PBX3: variants seen among roughly 807,000 people sequenced by gnomAD.
PBX3 encodes PBX homeobox 3, also known as pre-B-cell leukemia transcription factor 3.
A neutral mutation model predicts 48.5 loss-of-function variants in PBX3; 14 were observed. That is an observed-to-expected ratio of 0.29 (90% CI 0.19 to 0.45). PBX3 has a LOEUF of 0.45. Among genes scored for constraint, PBX3 ranks in the 20% least tolerant of loss-of-function variants. PBX3 has a pLI of 1.00. For synonymous variants in PBX3, 210 were observed against 200.3 expected (o/e 1.05, Z -0.41); for missense variants, 386 against 546.7 (o/e 0.71, Z 2.93).
chr9:125,789,966 G>A (rs986594334), intron 2 of PBX3, among the ~76,000 whole-genome samples: 9 of 152,166 alleles, frequency 5.9e-5, no homozygotes, highest in African/African-American at 2.2e-4. Flanking sequence ...GGTTTGTTTT[G>A]ATAGATTACC....
chr9:125,770,720 A>G (rs1428780211), intron 2 of PBX3, among the ~76,000 whole-genome samples: 1 of 152,170 alleles, frequency 6.6e-6, no homozygotes, highest in East Asian at 1.9e-4. Flanking sequence ...GGAAGCTGCT[A>G]TTGTGGCAAT....
At chr9:125,925,777 G>C (rs1021419756) in intron 3 of PBX3, among the ~76,000 whole-genome samples, 11 of 152,126 alleles carry the variant, frequency 7.2e-5, no homozygotes, top group Admixed American at 5.2e-4. Flanking sequence ...AATTTAATAT[G>C]TGGCTCACAA....
chr9:125,808,696 A>C (rs1318924206), intron 2 of PBX3, among the ~76,000 whole-genome samples: 3 of 152,154 alleles, frequency 2.0e-5, no homozygotes, highest in African/African-American at 7.2e-5. Context: ...GTCACTGTAA[A>C]CACTAATTCA....
intron 4 of PBX3, among the ~76,000 whole-genome samples, chr9:125,932,461 G>A (rs2132520944): frequency 1.3e-5 from 2 of 152,250 alleles, no homozygotes; most frequent in Middle Eastern, 3.4e-3. Flanking sequence ...TTACACATTT[G>A]CATTCCCCAC....
chr9:125,895,997 C>G (rs1840759895), intron 2 of PBX3, among the ~76,000 whole-genome samples: 1 of 152,004 alleles, frequency 6.6e-6, no homozygotes, highest in African/African-American at 2.4e-5. Flanking sequence ...TTAATACTTG[C>G]TACTTTACAA....
rs568172018 is a variant in PBX3, at chr9:125,811,964, G to T, written c.274+63341G>T. ...CTTTGGGTGGTGATTAGGTTATGAGGGCTTCACCCTCATGAATTATATTAA... is the reference window on the plus strand; with the variant it reads ...CTTTGGGTGGTGATTAGGTTATGAGTGCTTCACCCTCATGAATTATATTAA... On this transcript the variant is annotated intron_variant, in intron 2 of 8. Coordinates refer to ENST00000373489, the MANE Select transcript of PBX3 (RefSeq NM_006195.6). 2.6e-5 allele frequency among the ~76,000 whole-genome samples: 4 copies of T among 152,148 alleles called. No homozygotes were observed. In the South Asian group the frequency reaches 8.3e-4, roughly 32 times the overall value.
intron 2 of PBX3, among the ~76,000 whole-genome samples, chr9:125,750,641 T>C (rs1309545075): frequency 6.6e-6 from 1 of 152,254 alleles, no homozygotes; most frequent in Non-Finnish European, 1.5e-5. Context: ...TAAAATTGTT[T>C]CTGGGGCTTT....
chr9:125,837,736 A>G (rs899398113), intron 2 of PBX3, among the ~76,000 whole-genome samples: 3 of 151,964 alleles, frequency 2.0e-5, no homozygotes, highest in Non-Finnish European at 4.4e-5. Flanking sequence ...GACTACAGGC[A>G]CCTGCCACCA....
At chr9:125,771,682 C>T (rs1438595530) in intron 2 of PBX3, among the ~76,000 whole-genome samples, 1 of 151,966 alleles carries the variant, frequency 6.6e-6, no homozygotes, top group Non-Finnish European at 1.5e-5. Context: ...AATAATTTGT[C>T]TGAAAATATC....
At chr9:125,814,162 CAAA>C (rs565547086) in intron 2 of PBX3, among the ~76,000 whole-genome samples, 6 of 95,438 alleles carry the variant, frequency 6.3e-5, no homozygotes, top group Admixed American at 1.1e-4. Context: ...GACTCCATCT[CAAA>C]AAAAAAAAAA....
rs552643739 is a variant in PBX3 at position 125,774,323 on chromosome 9, C to T, written c.274+25700C>T. Among the ~76,000 whole-genome samples the T allele has an allele frequency of 7.9e-4, 121 of 152,352 alleles. 1 individual carries two copies. The highest frequency in any genetic ancestry group is 3.1e-4 in the Non-Finnish European group (21 of 68,028). ...ACCTCCTGCCAGGCCCCACCTCCAA[C>T]TTTGGGGATTACAGTTTGACATAAG... On this transcript the variant is annotated intron_variant, in intron 2 of 8. Coordinates refer to ENST00000373489, the MANE Select transcript of PBX3 (RefSeq NM_006195.6).
At chr9:125,845,810 A>G (rs915669739) in intron 2 of PBX3, among the ~76,000 whole-genome samples, 1 of 152,138 alleles carries the variant, frequency 6.6e-6, no homozygotes, top group African/African-American at 2.4e-5. Context: ...ATGCTACTAA[A>G]GAAAATCTGA....
At chr9:125,755,983 AGTGTAAACTTCT>A (rs1423161400) in intron 2 of PBX3, among the ~76,000 whole-genome samples, 1 of 152,060 alleles carries the variant, frequency 6.6e-6, no homozygotes, top group Non-Finnish European at 1.5e-5. Flanking sequence ...TCTTCTCAGA[AGTGTAAACTTCT>A]GTGTATGGGC....
At chr9:125,750,813 G>C (rs1169007253) in intron 2 of PBX3, among the ~76,000 whole-genome samples, 2 of 152,138 alleles carry the variant, frequency 1.3e-5, no homozygotes, top group East Asian at 3.9e-4. Context: ...GAGAGGGATG[G>C]GATTTAAGTA....
intron 4 of PBX3, among the ~76,000 whole-genome samples, chr9:125,933,543 C>T (rs1166891555): frequency 6.6e-6 from 1 of 152,144 alleles, no homozygotes; most frequent in Non-Finnish European, 1.5e-5. Context: ...GCACTTGTGT[C>T]ATCTATTCCC....
At chr9:125,930,933 C>T (rs961834451) in intron 4 of PBX3, among the ~76,000 whole-genome samples, 3 of 152,184 alleles carry the variant, frequency 2.0e-5, no homozygotes, top group East Asian at 1.9e-4. Flanking sequence ...CATTTAAGGC[C>T]TGTTCCTGTC....
chr9:125,781,019 G>T (rs199794365), intron 2 of PBX3, among the ~76,000 whole-genome samples: 2 of 113,506 alleles, frequency 1.8e-5, no homozygotes, highest in South Asian at 3.1e-4. Context: ...GGGCAGAGAC[G>T]CTCCTCACTT....
intron 2 of PBX3, among the ~76,000 whole-genome samples, chr9:125,793,364 A>ATATATATATATAT (rs1263966407): frequency 1.3e-3 from 78 of 59,092 alleles, no homozygotes; most frequent in Admixed American, 4.2e-3. Flanking sequence ...GGGGAAAAAA[A>ATATATATATATAT]AAATATATAT....
At chr9:125,797,980 G>T (rs1311800271) in intron 2 of PBX3, among the ~76,000 whole-genome samples, 2 of 152,210 alleles carry the variant, frequency 1.3e-5, no homozygotes, top group African/African-American at 4.8e-5. Context: ...ATAGCAACCG[G>T]TTTCATTTTT....
Sources: gnomAD v4.1 joint callset for allele counts (sites outside exome capture counted in the v4.1 genomes callset) on GRCh38, gnomAD v4.1.1 for gene constraint, MANE v1.5 for transcripts, NCBI Gene and HGNC (gene_info 2026-07-23, HGNC 2026-07-21) for gene names.